Variants in MCM2 observed in about 807,000 individuals in gnomAD.
The protein encoded by MCM2 is DNA replication licensing factor MCM2.
A neutral mutation model predicts 86.4 loss-of-function variants in MCM2; 49 were observed. The observed-to-expected ratio is 0.57, with a 90% CI of 0.45 to 0.72. The LOEUF (loss-of-function observed/expected upper bound fraction) is 0.72. MCM2 is among the 30% of genes least tolerant of loss of function. MCM2 has a pLI of 0.00. For missense variants in MCM2, 1,038 were observed against 1,259.9 expected (o/e 0.82, Z 2.67); for synonymous variants, 475 against 484.6 (o/e 0.98, Z 0.26).
rs866343986 is a variant in MCM2 at position 127,617,701 on chromosome 3, G to A, written c.1901-268G>A. 1.4e-5 allele frequency: 8 copies of A among 588,004 alleles called. No homozygotes were observed. The highest frequency in any genetic ancestry group is 6.0e-5 in the Admixed American group (2 of 33,414). 36.4% of individuals were successfully genotyped at this position (588,004 alleles called of 1,614,324 possible). ...GGAGTTGGCTGTTGGTCTCAGCAGC[G>A]AATGCGTAAAAGAACCCAGGCTCTG... On this transcript the variant is annotated intron_variant, in intron 11 of 15. Transcript: ENST00000265056. The surrounding 1 kb of genome is among the most constrained non-coding windows in gnomAD (Gnocchi z 4.1).
rs1449886305 is a variant in MCM2, at chr3:127,606,705, A to T, written c.989A>T (p.Asn330Ile). The T allele has an allele frequency of 1.2e-6, 2 of 1,614,240 alleles. No homozygotes were observed. Among genetic ancestry groups the T allele is most frequent in the Admixed American group, 3.3e-5 (2 of 60,036 alleles). ...CTCAGCATGGTCAAGTACAACTGCA[A>T]CAAGTGCAATTTCGTCCTGGGTCCT... ...PQLSMVKYNCNKCNFVLGPFC... is the reference protein window; with the variant it reads ...PQLSMVKYNCIKCNFVLGPFC... Residue 330 changes from asparagine to isoleucine, a missense_variant, in exon 6 of 16, where the codon AAC (asparagine) becomes ATC (isoleucine). By Grantham distance (149) the Asn-to-Ile change is moderately radical. Transcript: ENST00000265056. This position sits in a 1 kb window ranked among gnomAD's most constrained non-coding sequence, Gnocchi z 4.2.
chr3:127,606,904 C>A lies in MCM2; in HGVS notation c.1101+87C>A. On this transcript the variant is annotated intron_variant, in intron 6 of 15. Coordinates refer to ENST00000265056, the MANE Select transcript of MCM2 (RefSeq NM_004526.4). This position sits in a 1 kb window ranked among gnomAD's most constrained non-coding sequence, Gnocchi z 4.2. The stretch of plus-strand genomic sequence containing the variant: ...GACTGGCCTCTCAGGCTGTGGAAGA[C>A]CAGTGTGGGCAGCCGCAAGAAGCAA... 7.6e-7 allele frequency: 1 copy of A among 1,317,422 alleles called. No individual in the cohort carries two copies. The highest frequency in any genetic ancestry group is 1.1e-6 in the Non-Finnish European group (1 of 920,610). 81.6% of individuals were successfully genotyped at this position (1,317,422 alleles called of 1,614,324 possible).
chr3:127,611,453 G>T (rs1160352899), intron 8 of MCM2, among the ~76,000 whole-genome samples: 1 of 152,212 alleles, frequency 6.6e-6, no homozygotes, highest in African/African-American at 2.4e-5. Flanking sequence ...GGCATGGCAT[G>T]CCTGGGCACT....
chr3:127,611,634 C>T (rs1409093909), intron 8 of MCM2, among the ~76,000 whole-genome samples: 1 of 143,654 alleles, frequency 7.0e-6, no homozygotes, highest in East Asian at 2.2e-4. Context: ...CTTCTGTCTT[C>T]TGCAGATTCC....
chr3:127,614,272 A>G (rs2074418477), intron 8 of MCM2, among the ~76,000 whole-genome samples: 1 of 152,212 alleles, frequency 6.6e-6, no homozygotes, highest in African/African-American at 2.4e-5. Flanking sequence ...CTCTCTTTGA[A>G]TAAACCTAGC....
chr3:127,601,824 C>T (rs2074308328), intron 2 of MCM2, among the ~76,000 whole-genome samples: 1 of 152,222 alleles, frequency 6.6e-6, no homozygotes, highest in African/African-American at 2.4e-5. Flanking sequence ...GGTTCCACTC[C>T]TCCGTGTTCT....
rs556162256 is a variant in MCM2 at position 127,605,133 on chromosome 3, A to G, written c.650A>G (p.Glu217Gly). 1.9e-6 allele frequency: 3 copies of G among 1,614,046 alleles called. No individual in the cohort carries two copies. In the Admixed American group the frequency reaches 5.0e-5, roughly 27 times the overall value. The change falls in exon 4 of 16, where the codon GAG becomes GGG. Residue 217 changes from glutamate to glycine, a missense_variant. Glu to Gly is a moderately conservative substitution (Grantham distance 98, BLOSUM62 -2). This residue lies in a region of MCM2 where 399 missense variants were observed against 507.2 expected (regional missense o/e 0.79). Transcript: ENST00000265056. The stretch of plus-strand genomic sequence containing the variant: ...AGCCACGGCCACAACGTCTTCAAGG[A>G]GCGCATCAGCGACATGTGCAAAGGT... ...VDSHGHNVFK[E>G]RISDMCKENR...
chr3:127,608,310 C>T, intron 6 of MCM2, 72 bp from the exon 7 acceptor site: 5 of 1,572,978 alleles, frequency 3.2e-6, no homozygotes, highest in Non-Finnish European at 4.3e-6. Flanking sequence ...CCTGTTCTCC[C>T]TCCTGTTCGG....
At chr3:127,611,134 T>C in intron 8 of MCM2, 1 of 372,210 alleles carries the variant, frequency 2.7e-6, no homozygotes, top group South Asian at 2.0e-5. Context: ...CCCAGCCTTC[T>C]ACCCTCACCA....
chr3:127,604,671 G>A lies in MCM2; in HGVS notation c.300G>A (p.Glu100=). The A allele has an allele frequency of 2.5e-6, 4 of 1,612,968 alleles. No individual in the cohort carries two copies. The highest frequency in any genetic ancestry group is 3.4e-6 in the Non-Finnish European group (4 of 1,180,000). Residue 100 remains glutamate (E), a synonymous_variant, in exon 3 of 16, where the codon GAG becomes GAA. Coordinates refer to ENST00000265056, the MANE Select transcript of MCM2 (RefSeq NM_004526.4). The part of the protein sequence containing the change: ...YEAEGLALDD[E]DVEELTASQR... The stretch of plus-strand genomic sequence containing the variant: ...CCGAGGGACTGGCTCTGGATGATGA[G>A]GACGTAGAGGAGCTGACGGCCAGTC...
At position 127,618,429 on chromosome 3, in the gene MCM2, A is replaced by C. The variant is rs1358822305; in HGVS notation, c.2013+348A>C. On this transcript the variant is annotated intron_variant, in intron 12 of 15. Coordinates refer to ENST00000265056, the MANE Select transcript of MCM2 (RefSeq NM_004526.4). The surrounding 1 kb of genome is among the most constrained non-coding windows in gnomAD (Gnocchi z 4.0). ...AGACTGTCTTCCAGTTGAAGGCATA[A>C]ATCAGATCAGCCCCGTCCTTAACAA... is the stretch of plus-strand genomic sequence containing the variant. Among the ~76,000 whole-genome samples the C allele has an allele frequency of 6.6e-6, 1 of 152,070 alleles. No homozygotes were observed. Among genetic ancestry groups the C allele is most frequent in the Admixed American group, 6.6e-5 (1 of 15,264 alleles).
chr3:127,609,402 A>C (rs916693341), intron 8 of MCM2, among the ~76,000 whole-genome samples: 33 of 152,202 alleles, frequency 2.2e-4, no homozygotes, highest in African/African-American at 7.7e-4. Flanking sequence ...AACTTGTGTC[A>C]TGAGGGATTC....
intron 2 of MCM2, among the ~76,000 whole-genome samples, chr3:127,601,222 A>G (rs1391874837): frequency 6.6e-6 from 1 of 152,140 alleles, no homozygotes; most frequent in Non-Finnish European, 1.5e-5. Context: ...GCAGCACTCC[A>G]TTCCTTTTTG....
rs565828919 is a variant in MCM2, at chr3:127,600,056, G to C, written c.236+509G>C. ...GCACTTTGGGAGGCCGAGGTGGGCG[G>C]ATCACCTGAGGTCAGGAGTTTGAAA... On this transcript the variant is annotated intron_variant, in intron 2 of 15. Coordinates refer to ENST00000265056, the MANE Select transcript of MCM2 (RefSeq NM_004526.4). 2.0e-5 allele frequency among the ~76,000 whole-genome samples: 3 copies of C among 152,336 alleles called. No individual in the cohort carries two copies. In the South Asian group the frequency reaches 6.2e-4, roughly 32 times the overall value.
chr3:127,609,837 CTTTTTTTTT>C (rs10716532), intron 8 of MCM2, among the ~76,000 whole-genome samples: 1 of 69,086 alleles, frequency 1.4e-5, no homozygotes, highest in East Asian at 4.8e-4. Context: ...AGTCAACTTC[CTTTTTTTTT>C]TTTTTTTTTT....
At chr3:127,610,572 A>T (rs1211616283) in intron 8 of MCM2, among the ~76,000 whole-genome samples, 1 of 151,728 alleles carries the variant, frequency 6.6e-6, no homozygotes, top group African/African-American at 2.4e-5. Flanking sequence ...TAATATTCCT[A>T]CACATGCATG....
chr3:127,614,733 C>T (rs1337287632), intron 8 of MCM2, among the ~76,000 whole-genome samples: 1 of 152,136 alleles, frequency 6.6e-6, no homozygotes, highest in Non-Finnish European at 1.5e-5. Flanking sequence ...ATAGGCCCGC[C>T]GGGTGTTGAG....
In MCM2 at chr3:127,604,972, G is replaced by A. The variant is rs1256121998; in HGVS notation, c.489G>A (p.Glu163=). 1.2e-6 allele frequency: 2 copies of A among 1,613,918 alleles called. No individual in the cohort carries two copies. The highest frequency in any genetic ancestry group is 1.7e-5 in the Admixed American group (1 of 60,022). ...AGCGGGCCACGGAGGACGGCGAGGA[G>A]GACGAGGAGATGATCGAGAGCATCG... ...QVERATEDGE[E]DEEMIESIEN... The change falls in exon 4 of 16, where the codon GAG becomes GAA. Residue 163 remains glutamate (E), a synonymous_variant. Transcript: ENST00000265056.
intron 2 of MCM2, among the ~76,000 whole-genome samples, chr3:127,603,868 G>A (rs550820967): frequency 6.6e-6 from 1 of 152,136 alleles, no homozygotes; most frequent in Admixed American, 6.5e-5. Flanking sequence ...TACCATGTTC[G>A]CCAGGATGGT....
Sources: gnomAD v4.1 joint callset for allele counts (sites outside exome capture counted in the v4.1 genomes callset) on GRCh38, gnomAD v4.1.1 for gene constraint, gnomAD v4.1.1 regional missense constraint, Gnocchi (gnomAD v3.1) non-coding constraint, MANE v1.5 for transcripts, NCBI Gene and HGNC (gene_info 2026-07-23, HGNC 2026-07-21) for gene names.